Variants in BCAS4 observed in about 807,000 individuals in gnomAD.
The protein encoded by BCAS4 is breast carcinoma-amplified sequence 4.
BCAS4 carries 9 observed loss-of-function variants against 15.7 expected under a neutral mutation model. That is an observed-to-expected ratio of 0.57 (90% CI 0.34 to 1.00). The LOEUF (loss-of-function observed/expected upper bound fraction) is 1.00. Ranked by LOEUF, BCAS4 falls within the 50% of genes least tolerant of loss-of-function variation. The probability of loss-of-function intolerance (pLI) is 0.02; values close to 1 mark genes in which losing one functional copy is unlikely to be tolerated. For missense variants in BCAS4, 225 were observed against 239.1 expected, an observed-to-expected ratio of 0.94 and a Z score of 0.39; for synonymous variants, 101 against 99.5, an observed-to-expected ratio of 1.02 and a Z score of -0.09.
At chr20:50,805,974 C>T (rs2087984511) in intron 1 of BCAS4, among the ~76,000 whole-genome samples, 1 of 139,668 alleles carries the variant, frequency 7.2e-6, no homozygotes, top group South Asian at 2.3e-4. Context: ...GAGACTCCAT[C>T]TCAAAAAAAA....
chr20:50,842,788 C>T (rs1008218099), intron 4 of BCAS4, among the ~76,000 whole-genome samples: 3 of 152,150 alleles, frequency 2.0e-5, no homozygotes, highest in Admixed American at 6.5e-5. Context: ...TCTGAGGCCA[C>T]GGGCCTGGAG....
At chr20:50,842,013 C>A in intron 4 of BCAS4, 113 bp downstream of exon 4, 1 of 1,330,424 alleles carries the variant, frequency 7.5e-7, no homozygotes, top group Non-Finnish European at 1.0e-6. Context: ...CATTTCACTT[C>A]TGCAGACAGG....
intron 4 of BCAS4, among the ~76,000 whole-genome samples, chr20:50,875,120 A>G (rs1979855684): frequency 6.6e-6 from 1 of 152,070 alleles, no homozygotes. Context: ...AATGTCCCAC[A>G]CCCAGGCCAC....
chr20:50,863,966 C>T (rs1979227134), intron 4 of BCAS4, among the ~76,000 whole-genome samples: 1 of 152,256 alleles, frequency 6.6e-6, no homozygotes, highest in East Asian at 1.9e-4. Context: ...AATTCTACCA[C>T]CGTTGCCACC....
chr20:50,873,919 A>G (rs1318782608), intron 4 of BCAS4, among the ~76,000 whole-genome samples: 1 of 152,152 alleles, frequency 6.6e-6, no homozygotes, highest in Non-Finnish European at 1.5e-5. Context: ...TGAGATCCCT[A>G]GATGTCAGAG....
At chr20:50,808,074 AT>A (rs1309436703) in intron 1 of BCAS4, among the ~76,000 whole-genome samples, 7 of 146,880 alleles carry the variant, frequency 4.8e-5, no homozygotes, top group South Asian at 2.2e-4. Flanking sequence ...TGCCCGGCTA[AT>A]TTTTTTTTTG....
chr20:50,808,154 C>T (rs1465287805), intron 1 of BCAS4, among the ~76,000 whole-genome samples: 4 of 152,028 alleles, frequency 2.6e-5, no homozygotes, highest in African/African-American at 4.8e-5. Flanking sequence ...CCTCGTGATC[C>T]GCCCGCCTTG....
At chr20:50,835,636 C>T (rs1253381977) in intron 3 of BCAS4, among the ~76,000 whole-genome samples, 1 of 152,158 alleles carries the variant, frequency 6.6e-6, no homozygotes, top group African/African-American at 2.4e-5. Flanking sequence ...ACCCCAAGCT[C>T]TCCCCATTCC....
intron 3 of BCAS4, among the ~76,000 whole-genome samples, chr20:50,839,859 G>T (rs1032674365): frequency 8.5e-5 from 13 of 152,224 alleles, no homozygotes; most frequent in African/African-American, 2.9e-4. Context: ...AATGGAGGCT[G>T]ATAGAAGTTA....
At chr20:50,796,585 C>G (rs1329326690) in intron 1 of BCAS4, among the ~76,000 whole-genome samples, 2 of 138,774 alleles carry the variant, frequency 1.4e-5, no homozygotes, top group African/African-American at 5.4e-5. Flanking sequence ...ACCTCCGCCT[C>G]CCAGGTTCAA....
intron 4 of BCAS4, among the ~76,000 whole-genome samples, chr20:50,857,224 C>T (rs181871691): frequency 9.5e-4 from 145 of 152,278 alleles, no homozygotes; most frequent in African/African-American, 3.4e-3. Flanking sequence ...CTGGGCCTCC[C>T]GGGTTCAAGC....
chr20:50,818,496 G>T (rs1349713814), intron 2 of BCAS4, among the ~76,000 whole-genome samples: 2 of 152,190 alleles, frequency 1.3e-5, no homozygotes, highest in Non-Finnish European at 2.9e-5. Context: ...TCCTGAGGCG[G>T]CCATCTTGAT....
downstream of BCAS4, chr20:50,879,708 G>A (rs1980080391): frequency 6.6e-6 from 1 of 152,250 alleles, no homozygotes; most frequent in Non-Finnish European, 1.5e-5. Flanking sequence ...AACGTTGAGT[G>A]TCCTAAAGCA....
In BCAS4 at chr20:50,876,929, C is replaced by T. The variant is rs1334078656; in HGVS notation, c.*321C>T. On this transcript the variant is annotated 3_prime_UTR_variant, in exon 5 of 5. Coordinates refer to ENST00000371608, the MANE Select transcript of BCAS4 (RefSeq NM_198799.4). ...TTGGAACCCACGTGTGGTGATGCCT[C>T]CCACATCGGCCTGCTTGGGGTTCTA... is the stretch of plus-strand genomic sequence containing the variant. 2 of 193,908 alleles carry T rather than the reference C, an allele frequency of 1.0e-5. No homozygotes were observed. Among genetic ancestry groups the T allele is most frequent in the Non-Finnish European group, 2.1e-5 (2 of 94,772 alleles). 12.0% of individuals were successfully genotyped at this position (193,908 alleles called of 1,614,324 possible). A position where few individuals can be genotyped will look rare whatever the true frequency, so the allele number is the denominator to read the frequency against.
At chr20:50,858,195 A>G (rs140648993) in intron 4 of BCAS4, among the ~76,000 whole-genome samples, 208 of 152,258 alleles carry the variant, frequency 1.4e-3, no homozygotes, top group Non-Finnish European at 1.6e-3. Context: ...TCAAAAATCC[A>G]TGGGTGCTTG....
In BCAS4 at chr20:50,795,134, C is replaced by G. The variant is rs1404818769; in HGVS notation, c.51C>G (p.Arg17=). ...DQPEPMRSGA[R]ELALFLTPEP... is the part of the protein sequence containing the mutation. ...CGGAGCCCATGCGCAGCGGGGCGCGCGAGCTCGCGCTCTTCCTGACCCCCG... is the reference window on the plus strand; with the variant it reads ...CGGAGCCCATGCGCAGCGGGGCGCGGGAGCTCGCGCTCTTCCTGACCCCCG... The change falls in exon 1 of 5, where the codon CGC becomes CGG. Residue 17 remains arginine (R), a synonymous_variant. Coordinates refer to ENST00000371608, the MANE Select transcript of BCAS4 (RefSeq NM_198799.4). 3 of 1,475,694 alleles carry G rather than the reference C, an allele frequency of 2.0e-6. No individual in the cohort carries two copies. In the African/African-American group the frequency reaches 4.3e-5, roughly 21 times the overall value. 91.4% of individuals were successfully genotyped at this position (1,475,694 alleles called of 1,614,324 possible).
intron 3 of BCAS4, among the ~76,000 whole-genome samples, chr20:50,841,432 CG>C (rs1437218142): frequency 2.6e-5 from 4 of 152,034 alleles, no homozygotes; most frequent in African/African-American, 9.7e-5. Context: ...CTGAGACCCC[CG>C]CCCCTGCCCC....
intron 4 of BCAS4, among the ~76,000 whole-genome samples, chr20:50,858,738 T>A (rs970069637): frequency 2.7e-5 from 4 of 147,272 alleles, no homozygotes; most frequent in African/African-American, 1.0e-4. Context: ...TTTTTTTTTT[T>A]TTTTTTGGTG....
intron 4 of BCAS4, among the ~76,000 whole-genome samples, chr20:50,847,552 A>G (rs1213044257): frequency 6.6e-6 from 1 of 150,900 alleles, no homozygotes; most frequent in Non-Finnish European, 1.5e-5. Context: ...GGGAGGTGCT[A>G]TTTCTATCTC....
Sources: allele counts gnomAD v4.1 joint callset (sites outside exome capture counted in the v4.1 genomes callset), GRCh38; gene constraint gnomAD v4.1.1; transcripts MANE v1.5; gene names NCBI Gene and HGNC (gene_info 2026-07-23, HGNC 2026-07-21).